Variants in NLGN4X observed in about 807,000 individuals in gnomAD.
NLGN4X encodes the protein neuroligin-4, X-linked.
A neutral mutation model predicts 40.3 loss-of-function variants in NLGN4X; 3 were observed. The ratio of observed to expected loss-of-function variants is 0.07; its 90% CI spans 0.03 to 0.19. NLGN4X has a LOEUF of 0.19. Ranked by LOEUF, NLGN4X falls within the 10% of genes least tolerant of loss-of-function variation. The pLI is 1.00. For missense variants in NLGN4X, 382 were observed against 708.3 expected, an observed-to-expected ratio of 0.54 and a Z score of 5.23; for synonymous variants, 270 against 306.8, an observed-to-expected ratio of 0.88 and a Z score of 1.25.
chrX:6,202,503 A>C (rs1248585149), intron 1 of NLGN4X, among the ~76,000 whole-genome samples: 3 of 108,426 alleles, frequency 2.8e-5, no homozygotes, highest in Non-Finnish European at 3.8e-5. Flanking sequence ...ATGCCTGACT[A>C]ATTTTTGTAC....
At chrX:5,954,823 A>AG (rs763400332) in intron 3 of NLGN4X, among the ~76,000 whole-genome samples, 1 of 110,760 alleles carries the variant, frequency 9.0e-6, no homozygotes, top group Non-Finnish European at 1.9e-5. Context: ...TTAAACTTTT[A>AG]GTTTGACATT....
At chrX:6,110,426 C>A (rs2039123039) in intron 2 of NLGN4X, among the ~76,000 whole-genome samples, 1 of 111,988 alleles carries the variant, frequency 8.9e-6, no homozygotes, top group South Asian at 3.7e-4. Flanking sequence ...CTGTCAGAAT[C>A]CTGAGTTTCT....
chrX:5,952,954 C>T (rs963814756), intron 3 of NLGN4X, among the ~76,000 whole-genome samples: 2 of 111,887 alleles, frequency 1.8e-5, no homozygotes, highest in African/African-American at 6.5e-5. Context: ...CAGACAGCAA[C>T]CTCAGTGTAT....
At chrX:6,219,373 CTT>C (rs1352056580) in intron 1 of NLGN4X, among the ~76,000 whole-genome samples, 6 of 56,026 alleles carry the variant, frequency 1.1e-4, no homozygotes, top group African/African-American at 3.9e-4. Flanking sequence ...TTTTTCTCTT[CTT>C]TCTTTCCTTC....
At chrX:6,114,294 T>C (rs1234630309) in intron 2 of NLGN4X, among the ~76,000 whole-genome samples, 1 of 111,675 alleles carries the variant, frequency 9.0e-6, no homozygotes, top group East Asian at 2.8e-4. Context: ...TTTACTTATT[T>C]AGTTTATTTT....
intron 3 of NLGN4X, among the ~76,000 whole-genome samples, chrX:5,960,332 A>G (rs931249464): frequency 9.1e-6 from 1 of 110,497 alleles, no homozygotes; most frequent in South Asian, 3.9e-4. Flanking sequence ...AAAGTTGTAG[A>G]ACTGCTGTTT....
chrX:6,065,288 A>G (rs983229680), intron 2 of NLGN4X, among the ~76,000 whole-genome samples: 6 of 110,569 alleles, frequency 5.4e-5, no homozygotes, highest in African/African-American at 1.3e-4. Flanking sequence ...AAGAAAAAAT[A>G]GATATAAAAT....
intron 1 of NLGN4X, among the ~76,000 whole-genome samples, chrX:6,174,541 C>G (rs1435082223): frequency 8.9e-6 from 1 of 112,043 alleles, no homozygotes; most frequent in Non-Finnish European, 1.9e-5. Flanking sequence ...AACCTAGATG[C>G]CAATCAGTGG....
At chrX:5,900,589 T>C (rs1391874078) in intron 5 of NLGN4X, among the ~76,000 whole-genome samples, 2 of 27,426 alleles carry the variant, frequency 7.3e-5, no homozygotes, top group Admixed American at 8.5e-4. Flanking sequence ...TTTTTTTTTT[T>C]AAAGATAAAG....
Position 6,007,162 on chromosome X carries a change from C to T in NLGN4X, c.625+22118G>A, listed in dbSNP as rs184897902. On this transcript the variant is annotated intron_variant, in intron 3 of 5. Transcript: ENST00000381095. ...AAAAAGAATGAAATTATGTCTTTTGCAGCAACATGTATGAAACTGGGTGGA... is the reference window on the plus strand; with the variant it reads ...AAAAAGAATGAAATTATGTCTTTTGTAGCAACATGTATGAAACTGGGTGGA... Among the ~76,000 whole-genome samples, 568 of 111,641 alleles carry T rather than the reference C, an allele frequency of 5.1e-3. 4 individuals are homozygous for T. Among genetic ancestry groups the T allele is most frequent in the Non-Finnish European group, 7.0e-3 (373 of 53,058 alleles).
intron 3 of NLGN4X, among the ~76,000 whole-genome samples, chrX:6,024,166 G>A (rs1402923295): frequency 8.9e-6 from 1 of 111,823 alleles, no homozygotes; most frequent in African/African-American, 3.3e-5. Flanking sequence ...TTATTACCTG[G>A]ATTAATGTCT....
rs748165949 is a variant in NLGN4X at position 5,914,048 on chromosome X, T to C, written c.626-4809A>G. On this transcript the variant is annotated intron_variant, in intron 3 of 5. Coordinates refer to ENST00000381095, the MANE Select transcript of NLGN4X (RefSeq NM_181332.3). ...GAGTCCATTAAACTTCTTTTCTTTA[T>C]ACATTACCCAGTCTCAGGTATGTCT... 3.6e-5 allele frequency among the ~76,000 whole-genome samples: 4 copies of C among 112,260 alleles called. No individual in the cohort carries two copies. The South Asian group carries it at 1.5e-3, about 41-fold the overall frequency.
chrX:6,115,565 G>C (rs746672390), intron 2 of NLGN4X, among the ~76,000 whole-genome samples: 3 of 111,729 alleles, frequency 2.7e-5, no homozygotes, highest in Non-Finnish European at 5.6e-5. Flanking sequence ...GTAGAACCAA[G>C]GAAGCCAGAA....
At chrX:6,123,932 G>C (rs1001828717) in intron 2 of NLGN4X, among the ~76,000 whole-genome samples, 4 of 108,492 alleles carry the variant, frequency 3.7e-5, no homozygotes, top group Non-Finnish European at 5.7e-5. Flanking sequence ...GATAACTGCA[G>C]AAATAAAATT....
At chrX:6,117,266 C>G (rs73184636) in intron 2 of NLGN4X, among the ~76,000 whole-genome samples, 3 of 110,548 alleles carry the variant, frequency 2.7e-5, no homozygotes, top group Non-Finnish European at 5.7e-5. Flanking sequence ...GACTCTCAAC[C>G]CTTCTTTACT....
intron 3 of NLGN4X, among the ~76,000 whole-genome samples, chrX:6,015,162 A>G (rs1160445770): frequency 9.0e-6 from 1 of 111,112 alleles, no homozygotes; most frequent in Non-Finnish European, 1.9e-5. Flanking sequence ...TTTTTCCCCT[A>G]CTGGATAGAA....
At chrX:6,000,741 C>G (rs1326632653) in intron 3 of NLGN4X, among the ~76,000 whole-genome samples, 2 of 111,465 alleles carry the variant, frequency 1.8e-5, no homozygotes. Flanking sequence ...CAAGGCCATT[C>G]AACAAGTCTC....
At chrX:5,928,809 G>T (rs1020786870) in intron 3 of NLGN4X, among the ~76,000 whole-genome samples, 4 of 109,580 alleles carry the variant, frequency 3.7e-5, no homozygotes, top group African/African-American at 1.3e-4. Flanking sequence ...AATCACCTTA[G>T]CCCTGTCATA....
chrX:6,051,250 C>T (rs1286426107), intron 2 of NLGN4X, among the ~76,000 whole-genome samples: 3 of 111,852 alleles, frequency 2.7e-5, no homozygotes, highest in Admixed American at 1.9e-4. Flanking sequence ...AAATTATACA[C>T]AGCAAGAGAT....
Sources: gnomAD v4.1 joint callset for allele counts (sites outside exome capture counted in the v4.1 genomes callset) on GRCh38, gnomAD v4.1.1 for gene constraint, MANE v1.5 for transcripts, NCBI Gene and HGNC (gene_info 2026-07-23, HGNC 2026-07-21) for gene names.